NWD2: variants seen among roughly 807,000 people sequenced by gnomAD.
NWD2 encodes the protein NACHT and WD repeat domain-containing protein 2.
A neutral mutation model predicts 132.7 loss-of-function variants in NWD2; 37 were observed. That is an observed-to-expected ratio of 0.28 (90% confidence interval 0.21 to 0.37). The LOEUF is 0.37. Among genes scored for constraint, NWD2 ranks in the 10% least tolerant of loss-of-function variants. The pLI is 1.00. For missense variants in NWD2, 1,592 were observed against 2,122.4 expected, an observed-to-expected ratio of 0.75 and a Z score of 4.91; for synonymous variants, 705 against 803.0, an observed-to-expected ratio of 0.88 and a Z score of 2.06.
chr4:37,348,675 T>TATATATACACACACACAC (rs1308407988), intron 2 of NWD2, among the ~76,000 whole-genome samples: 1 of 22,572 alleles, frequency 4.4e-5, no homozygotes, highest in African/African-American at 1.8e-4. Context: ...TATATATATA[T>TATATATACACACACACAC]ACACACACAC....
At position 37,245,085 on chromosome 4, in the gene NWD2, G is replaced by A. The variant is rs1717205532; in HGVS notation, c.18G>A (p.Ala6=). The A allele has an allele frequency of 6.5e-7, 1 of 1,546,186 alleles. No homozygotes were observed. The highest frequency in any genetic ancestry group is 8.7e-7 in the Non-Finnish European group (1 of 1,146,494). The change falls in exon 1 of 7, where the codon GCG becomes GCA. Residue 6 remains alanine (A), a synonymous_variant. Coordinates refer to ENST00000309447, the MANE Select transcript of NWD2 (RefSeq NM_001144990.2). ...AGAGGGCGATGTGGCCGGCCGGCGC[G>A]GGCACCAAGCTGCCCTGTCCCCGAG... The part of the protein sequence containing the change: MWPAG[A]GTKLPCPRDS...
At chr4:37,333,447 TC>T (rs1355505013) in intron 2 of NWD2, among the ~76,000 whole-genome samples, 1 of 152,120 alleles carries the variant, frequency 6.6e-6, no homozygotes, top group Non-Finnish European at 1.5e-5. Flanking sequence ...TGCCTGGTAA[TC>T]CAGAGAATTC....
chr4:37,357,946 G>A (rs929501677), intron 3 of NWD2, among the ~76,000 whole-genome samples: 3 of 152,206 alleles, frequency 2.0e-5, no homozygotes, highest in African/African-American at 7.2e-5. Flanking sequence ...GGGTTGGCAT[G>A]TTCAGGAAAC....
intron 2 of NWD2, among the ~76,000 whole-genome samples, chr4:37,352,766 C>T (rs965572120): frequency 6.6e-6 from 1 of 152,138 alleles, no homozygotes; most frequent in Non-Finnish European, 1.5e-5. Flanking sequence ...TGAGATGGGT[C>T]TCCTGAATAC....
At chr4:37,360,567 G>T (rs1719962431) in intron 3 of NWD2, among the ~76,000 whole-genome samples, 1 of 152,168 alleles carries the variant, frequency 6.6e-6, no homozygotes, top group South Asian at 2.1e-4. Context: ...GCAGCCCCTA[G>T]CAGGGAGACA....
intron 3 of NWD2, among the ~76,000 whole-genome samples, chr4:37,378,130 G>A (rs1720382826): frequency 6.6e-6 from 1 of 152,040 alleles, no homozygotes; most frequent in Non-Finnish European, 1.5e-5. Context: ...ATATTCTATG[G>A]TTCTCTATGC....
chr4:37,308,567 C>G lies in NWD2; in HGVS notation c.152-17369C>G, dbSNP rs552783404. Among the ~76,000 whole-genome samples the G allele has an allele frequency of 3.3e-5, 5 of 152,234 alleles. No homozygotes were observed. In the East Asian group the frequency reaches 9.7e-4, roughly 29 times the overall value. Reference sequence around the variant, plus strand: ...AACCAGACCTTGGGTCCCTGGGGAGCATGCACAGGCACATAGCTCTATTTC... The same window carrying G: ...AACCAGACCTTGGGTCCCTGGGGAGGATGCACAGGCACATAGCTCTATTTC... On this transcript the variant is annotated intron_variant, in intron 1 of 6. Coordinates refer to ENST00000309447, the MANE Select transcript of NWD2 (RefSeq NM_001144990.2).
At chr4:37,338,108 T>C (rs1295921950) in intron 2 of NWD2, among the ~76,000 whole-genome samples, 1 of 152,266 alleles carries the variant, frequency 6.6e-6, no homozygotes, top group East Asian at 1.9e-4. Flanking sequence ...GTTTATGTGC[T>C]CTGGTCCAAA....
intron 6 of NWD2, among the ~76,000 whole-genome samples, chr4:37,442,995 T>G (rs1181073182): frequency 6.6e-6 from 1 of 152,002 alleles, no homozygotes; most frequent in Non-Finnish European, 1.5e-5. Flanking sequence ...TGAAACACCT[T>G]GTATCTTCTG....
chr4:37,315,693 T>A (rs1718941658), intron 1 of NWD2, among the ~76,000 whole-genome samples: 1 of 152,146 alleles, frequency 6.6e-6, no homozygotes, highest in South Asian at 2.1e-4. Flanking sequence ...GAAGTATTTA[T>A]TGATAGCTTG....
chr4:37,356,321 C>A, intron 2 of NWD2, 45 bp from the exon 3 acceptor site: 1 of 1,039,870 alleles, frequency 9.6e-7, no homozygotes, highest in Non-Finnish European at 1.4e-6. Flanking sequence ...TAAATAAAAA[C>A]AAAGCCCACA....
intron 1 of NWD2, among the ~76,000 whole-genome samples, chr4:37,318,851 T>G (rs1346714899): frequency 6.6e-6 from 1 of 152,228 alleles, no homozygotes; most frequent in East Asian, 1.9e-4. Flanking sequence ...GGTGTATATG[T>G]ACCACATTTT....
At chr4:37,318,921 A>C (rs1403193934) in intron 1 of NWD2, among the ~76,000 whole-genome samples, 2 of 152,148 alleles carry the variant, frequency 1.3e-5, no homozygotes, top group Admixed American at 1.3e-4. Flanking sequence ...GCTATTGTGA[A>C]TAGTGCAGTG....
intron 1 of NWD2, among the ~76,000 whole-genome samples, chr4:37,255,969 A>C (rs539614902): frequency 8.5e-5 from 13 of 152,356 alleles, no homozygotes; most frequent in African/African-American, 3.1e-4. Context: ...GGATTTTGAA[A>C]AATATTTGAA....
At chr4:37,333,643 G>A (rs1054278471) in intron 2 of NWD2, among the ~76,000 whole-genome samples, 5 of 152,076 alleles carry the variant, frequency 3.3e-5, no homozygotes, top group East Asian at 3.9e-4. Flanking sequence ...TGAAGACTAC[G>A]ATAAATACCT....
chr4:37,280,988 T>TG (rs763269166), intron 1 of NWD2, among the ~76,000 whole-genome samples: 17,737 of 152,062 alleles, frequency 0.12, 1,132 homozygotes, highest in Middle Eastern at 0.15. Context: ...ATTGGTGTCC[T>TG]TTGTACAGAT....
intron 4 of NWD2, among the ~76,000 whole-genome samples, chr4:37,431,928 CAAT>C (rs201749153): frequency 2.0e-5 from 3 of 151,836 alleles, no homozygotes; most frequent in South Asian, 4.1e-4. Flanking sequence ...TATTATTAAA[CAAT>C]AATTTAATGA....
At chr4:37,299,746 G>C (rs1452000024) in intron 1 of NWD2, among the ~76,000 whole-genome samples, 1 of 152,110 alleles carries the variant, frequency 6.6e-6, no homozygotes, top group Non-Finnish European at 1.5e-5. Context: ...TCAATGAAAG[G>C]ACAGCTGCAT....
At chr4:37,318,451 A>G (rs1194949016) in intron 1 of NWD2, among the ~76,000 whole-genome samples, 17 of 152,122 alleles carry the variant, frequency 1.1e-4, no homozygotes, top group Admixed American at 1.1e-3. Flanking sequence ...TTCAGCTTTC[A>G]TTTTAGATTC....
Sources: allele counts gnomAD v4.1 joint callset (sites outside exome capture counted in the v4.1 genomes callset), GRCh38; gene constraint gnomAD v4.1.1; transcripts MANE v1.5; gene names NCBI Gene and HGNC (gene_info 2026-07-23, HGNC 2026-07-21).